The following PHACTR1 variants were observed in gnomAD, a reference collection of about 807,000 sequenced individuals.
PHACTR1 encodes phosphatase and actin regulator 1.
PHACTR1 carries 16 observed loss-of-function variants against 69.2 expected under a neutral mutation model. That is an observed-to-expected ratio of 0.23 (90% confidence interval 0.16 to 0.35). The LOEUF is 0.35. Ranked by LOEUF, PHACTR1 falls within the 10% of genes least tolerant of loss-of-function variation. The pLI is 1.00. For missense variants in PHACTR1, 510 were observed against 734.7 expected (o/e 0.69, Z 3.54); for synonymous variants, 312 against 284.5 (o/e 1.10, Z -0.97).
At chr6:13,096,734 T>A (rs1814318968) in intron 5 of PHACTR1, among the ~76,000 whole-genome samples, 1 of 152,190 alleles carries the variant, frequency 6.6e-6, no homozygotes, top group African/African-American at 2.4e-5. Flanking sequence ...AGTGACAAAT[T>A]TATTTATTAA....
At chr6:12,744,419 G>T (rs1284062475) in intron 3 of PHACTR1, among the ~76,000 whole-genome samples, 3 of 152,124 alleles carry the variant, frequency 2.0e-5, no homozygotes, top group Non-Finnish European at 4.4e-5. Flanking sequence ...TCCAAATTTT[G>T]TTCACAGGAG....
intron 4 of PHACTR1, among the ~76,000 whole-genome samples, chr6:12,973,654 AT>A (rs1454409998): frequency 2.0e-5 from 3 of 152,156 alleles, no homozygotes; most frequent in Non-Finnish European, 1.5e-5. Context: ...CGTGTTATCT[AT>A]TTTGCTCTAG....
chr6:12,738,128 A>G (rs1456124260), intron 3 of PHACTR1, among the ~76,000 whole-genome samples: 3 of 152,212 alleles, frequency 2.0e-5, no homozygotes, highest in African/African-American at 7.2e-5. Context: ...TTAATCTGGA[A>G]TAATTTCACA....
chr6:13,072,924 A>C (rs965172034), intron 5 of PHACTR1, among the ~76,000 whole-genome samples: 5 of 152,150 alleles, frequency 3.3e-5, no homozygotes, highest in Non-Finnish European at 7.4e-5. Context: ...GTTAGTGAGG[A>C]ATCAAGTAGG....
At chr6:12,772,277 A>G (rs1275183846) in intron 4 of PHACTR1, among the ~76,000 whole-genome samples, 2 of 152,234 alleles carry the variant, frequency 1.3e-5, no homozygotes, top group Admixed American at 6.5e-5. Context: ...AATTCAGGAT[A>G]TGCAGGTTCA....
chr6:13,120,562 GGT>G (rs1818553774), intron 5 of PHACTR1, among the ~76,000 whole-genome samples: 1 of 152,196 alleles, frequency 6.6e-6, no homozygotes, highest in Non-Finnish European at 1.5e-5. Context: ...GGAGGCCGAA[GGT>G]GGGGTGGCTG....
intron 4 of PHACTR1, among the ~76,000 whole-genome samples, chr6:12,777,491 A>G (rs9472519): frequency 0.07 from 10,623 of 151,256 alleles, 462 homozygotes; most frequent in Admixed American, 0.1. Context: ...TGCGTATTTC[A>G]TTTTCTGTTC....
intron 4 of PHACTR1, among the ~76,000 whole-genome samples, chr6:12,931,605 G>A (rs1466042769): frequency 1.3e-5 from 2 of 152,104 alleles, no homozygotes; most frequent in Non-Finnish European, 2.9e-5. Context: ...ATGGGTGAAT[G>A]AGTAGATGAT....
chr6:12,839,511 G>A (rs1366683339), intron 4 of PHACTR1, among the ~76,000 whole-genome samples: 1 of 152,068 alleles, frequency 6.6e-6, no homozygotes. Context: ...TCTGAGGTAG[G>A]CTGGCCCTTC....
At chr6:12,997,445 T>C (rs939417681) in intron 4 of PHACTR1, among the ~76,000 whole-genome samples, 2 of 149,982 alleles carry the variant, frequency 1.3e-5, no homozygotes, top group African/African-American at 4.9e-5. Flanking sequence ...GAGAGAGTCT[T>C]TTTATTCTTC....
At chr6:13,078,105 G>A (rs1810810753) in intron 5 of PHACTR1, among the ~76,000 whole-genome samples, 1 of 152,120 alleles carries the variant, frequency 6.6e-6, no homozygotes. Flanking sequence ...GAAAGGACAG[G>A]AACACTCTTA....
intron 4 of PHACTR1, among the ~76,000 whole-genome samples, chr6:12,837,946 A>G (rs1171620449): frequency 1.3e-5 from 2 of 152,202 alleles, no homozygotes; most frequent in East Asian, 3.8e-4. Flanking sequence ...GGCCAGGGCT[A>G]CATTCTCATC....
chr6:13,091,262 G>A (rs1443579168), intron 5 of PHACTR1, among the ~76,000 whole-genome samples: 1 of 152,120 alleles, frequency 6.6e-6, no homozygotes, highest in Non-Finnish European at 1.5e-5. Context: ...GCCTCCCAAA[G>A]TGTTGGGATT....
intron 4 of PHACTR1, among the ~76,000 whole-genome samples, chr6:12,819,649 TGG>T (rs1441721588): frequency 6.6e-6 from 1 of 152,278 alleles, no homozygotes; most frequent in Non-Finnish European, 1.5e-5. Flanking sequence ...AAATTGTGTT[TGG>T]GAAAGTGATT....
intron 4 of PHACTR1, among the ~76,000 whole-genome samples, chr6:12,992,982 T>C (rs1796993133): frequency 6.6e-6 from 1 of 152,256 alleles, no homozygotes; most frequent in Non-Finnish European, 1.5e-5. Flanking sequence ...TGTTGCCTGC[T>C]TCTTTACTGC....
chr6:13,004,196 C>G (rs1164129472), intron 4 of PHACTR1, among the ~76,000 whole-genome samples: 1 of 151,606 alleles, frequency 6.6e-6, no homozygotes, highest in East Asian at 1.9e-4. Context: ...ACAACTCCAT[C>G]TGTTTTCCAT....
intron 10 of PHACTR1, 180 bp from the exon 11 acceptor site, chr6:13,272,680 C>G: frequency 6.6e-7 from 1 of 1,525,954 alleles, no homozygotes; most frequent in Non-Finnish European, 8.8e-7. Flanking sequence ...ACGTGCCTCT[C>G]CTGGGCTTGA....
At chr6:12,855,742 A>G (rs749017537) in intron 4 of PHACTR1, among the ~76,000 whole-genome samples, 57 of 152,304 alleles carry the variant, frequency 3.7e-4, no homozygotes, top group Admixed American at 7.8e-4. Context: ...AAACCTCAGC[A>G]TAAAACAATG....
chr6:12,894,022 GCTGA>G (rs1349599377), intron 4 of PHACTR1, among the ~76,000 whole-genome samples: 4 of 152,164 alleles, frequency 2.6e-5, no homozygotes, highest in Non-Finnish European at 4.4e-5. Context: ...TCACCCACTG[GCTGA>G]CTGTGGGATT....
Sources: gnomAD v4.1 joint callset for allele counts (sites outside exome capture counted in the v4.1 genomes callset) on GRCh38, gnomAD v4.1.1 for gene constraint, MANE v1.5 for transcripts, NCBI Gene and HGNC (gene_info 2026-07-23, HGNC 2026-07-21) for gene names.